ATM: variants seen among roughly 807,000 people sequenced by gnomAD.
ATM encodes the protein serine-protein kinase ATM.
ATM carries 308 observed loss-of-function variants against 387.0 expected under a neutral mutation model. That is an observed-to-expected ratio of 0.80 (90% CI 0.73 to 0.87). The LOEUF is 0.87. Among genes scored for constraint, ATM ranks in the 40% least tolerant of loss-of-function variants. The pLI, the probability that ATM is intolerant of heterozygous loss-of-function variation, is 0.00. For synonymous variants in ATM, 1,156 were observed against 1,187.3 expected (o/e 0.97, Z 0.54); for missense variants, 3,312 against 3,560.9 (o/e 0.93, Z 1.78).
chr11:108,223,967 G>A (rs1311170390), intron 1 of ATM: 1 of 152,254 alleles, frequency 6.6e-6, no homozygotes, highest in African/African-American at 2.4e-5. Flanking sequence ...TGAAGTCATA[G>A]GAATGGATGA....
intron 16 of ATM, among the ~76,000 whole-genome samples, chr11:108,265,256 A>C (rs2081160064): frequency 6.6e-6 from 1 of 151,950 alleles, no homozygotes; most frequent in South Asian, 2.1e-4. Flanking sequence ...CAGTAACCAA[A>C]ACAGCATGGT....
chr11:108,272,927 A>C (rs2081680123), intron 22 of ATM, 75 bp downstream of exon 22: 122 of 1,577,404 alleles, frequency 7.7e-5, no homozygotes, highest in Middle Eastern at 3.3e-4. Context: ...GTAACAGCTC[A>C]CAGTTGCAAT....
chr11:108,253,719 T>C (rs2080283329), intron 12 of ATM, 95 bp from the exon 13 acceptor site: 2 of 800,860 alleles, frequency 2.5e-6, no homozygotes, highest in Non-Finnish European at 4.1e-6. Context: ...ATGTAGATAC[T>C]AGGTTAATGT....
At chr11:108,301,592 A>C in intron 34 of ATM, 56 bp from the exon 35 acceptor site, 3 of 1,608,644 alleles carry the variant, frequency 1.9e-6, no homozygotes, top group Non-Finnish European at 2.6e-6. Context: ...GGAGGTTAAC[A>C]TTCATCAAGA....
In ATM at chr11:108,227,630, T is replaced by G. The variant is rs748158168; in HGVS notation, c.6T>G (p.Ser2Arg). The G allele has an allele frequency of 1.2e-6, 2 of 1,613,628 alleles. No individual in the cohort carries two copies. The highest frequency in any genetic ancestry group is 1.7e-6 in the Non-Finnish European group (2 of 1,179,778). Residue 2 changes from serine (S) to arginine (R), a missense_variant, in exon 2 of 63, where the codon AGT becomes AGG. Ser to Arg is a moderately radical substitution (Grantham distance 110, BLOSUM62 -1). Coordinates refer to ENST00000675843, the MANE Select transcript of ATM (RefSeq NM_000051.4). M[S>R]LVLNDLLICC... ...GTGTTCTGAAATTGTGAACCATGAG[T>G]CTAGTACTTAATGATCTGCTTATCT...
chr11:108,344,727 G>A (rs865848870), intron 57 of ATM, among the ~76,000 whole-genome samples: 1 of 152,046 alleles, frequency 6.6e-6, no homozygotes, highest in Non-Finnish European at 1.5e-5. Context: ...TTGGGGGGCG[G>A]GTGTGGTAGC....
rs140263600 is a variant in ATM at position 108,344,130 on chromosome 11, C to G, written c.8418+759C>G. Among the ~76,000 whole-genome samples, 293 of 152,226 alleles carry G rather than the reference C, an allele frequency of 1.9e-3. 1 individual carries two copies. The highest frequency in any genetic ancestry group is 3.4e-3 in the Non-Finnish European group (233 of 67,994). ...TTTATTGTTCATTTTATTGTGCTTT[C>G]TGTGACATGTTTTTTAAAATGTGTG... On this transcript the variant is annotated intron_variant, in intron 57 of 62. Coordinates refer to ENST00000675843, the MANE Select transcript of ATM (RefSeq NM_000051.4).
intron 26 of ATM, among the ~76,000 whole-genome samples, chr11:108,285,057 T>C (rs2082422306): frequency 6.6e-6 from 1 of 152,162 alleles, no homozygotes; most frequent in East Asian, 1.9e-4. Flanking sequence ...TCTCCTGGGT[T>C]CAAGCAATTC....
rs2091345046 is a variant in ATM, at chr11:108,366,600, G to T, written c.*1092G>T. The T allele has an allele frequency of 4.3e-6, 1 of 230,410 alleles. No homozygotes were observed. Among genetic ancestry groups the T allele is most frequent in the Non-Finnish European group, 8.6e-6 (1 of 116,288 alleles). The allele number at this position is 230,410 out of a possible 1,614,324, so 14.3% of individuals were successfully genotyped here. A position where few individuals can be genotyped will look rare whatever the true frequency, so the allele number is the denominator to read the frequency against. On this transcript the variant is annotated 3_prime_UTR_variant, in exon 63 of 63. Coordinates refer to ENST00000675843, the MANE Select transcript of ATM (RefSeq NM_000051.4). ...ATGGGAATCTTGAGTGTCTGTTTAT[G>T]TCATATTCCCAGGGCTGTTGCTGCA...
At position 108,314,522 on chromosome 11, in the gene ATM, G is replaced by A. The variant is rs150387680; in HGVS notation, c.6007-1301G>A. ...TATTTCTTATCTAATTCATGAAATTGTAGGCAATTCTTCTCGGGTAGACTA... is the reference window on the plus strand; with the variant it reads ...TATTTCTTATCTAATTCATGAAATTATAGGCAATTCTTCTCGGGTAGACTA... On this transcript the variant is annotated intron_variant, in intron 40 of 62. Coordinates refer to ENST00000675843, the MANE Select transcript of ATM (RefSeq NM_000051.4). 6.0e-3 allele frequency among the ~76,000 whole-genome samples: 916 copies of A among 151,636 alleles called. 6 individuals carry two copies. The highest frequency in any genetic ancestry group is 0.011 in the East Asian group (54 of 5,142).
intron 8 of ATM, 50 bp downstream of exon 8, chr11:108,247,177 T>C (rs757949257): frequency 6.2e-7 from 1 of 1,603,610 alleles, no homozygotes; most frequent in Admixed American, 1.7e-5. Context: ...TTAATTTTTT[T>C]TTTAAACTGG....
At chr11:108,277,145 T>G (rs1424558319) in intron 22 of ATM, among the ~76,000 whole-genome samples, 1 of 152,176 alleles carries the variant, frequency 6.6e-6, no homozygotes. Context: ...TCGAACTTCC[T>G]ACTGGCTGTG....
In ATM at chr11:108,277,056, AC is replaced by A. The variant is rs1489189290; in HGVS notation, c.3285-2432del. 5.3e-5 allele frequency among the ~76,000 whole-genome samples: 8 copies of A among 152,154 alleles called. No homozygotes were observed. The East Asian group carries it at 1.5e-3, about 29-fold the overall frequency. ...GGGCTGCTGCCTGTCTTTCAGAGATACCCTGCCCAGAGAGGAGGAATCTAGA... is the reference window on the plus strand; with the variant it reads ...GGGCTGCTGCCTGTCTTTCAGAGATACCTGCCCAGAGAGGAGGAATCTAGA... On this transcript the variant is annotated intron_variant, in intron 22 of 62. Transcript: ENST00000675843.
rs1591151857 is a variant in ATM, at chr11:108,329,188, A to G, written c.7257A>G (p.Arg2419=). Residue 2419 remains arginine, a synonymous_variant, in exon 49 of 63, where the codon AGA becomes AGG. Transcript: ENST00000675843. ...EFENKQALLK[R]AKEEVGLLRE... ...AAAACAAGCAAGCTCTCCTGAAAAG[A>G]GCCAAAGAGGAAGTAGGTCTCCTTA... 1.2e-6 allele frequency: 2 copies of G among 1,614,106 alleles called. No homozygotes were observed. Among genetic ancestry groups the G allele is most frequent in the Non-Finnish European group, 1.7e-6 (2 of 1,179,984 alleles).
chr11:108,284,387 A>G lies in ATM; in HGVS notation c.3907A>G (p.Thr1303Ala), dbSNP rs1060501662. 3.7e-6 allele frequency: 6 copies of G among 1,613,986 alleles called. No individual in the cohort carries two copies. Among genetic ancestry groups the G allele is most frequent in the Non-Finnish European group, 5.1e-6 (6 of 1,179,916 alleles). Residue 1303 changes from threonine (T) to alanine (A), a missense_variant, in exon 26 of 63, where the codon ACC (threonine) becomes GCC (alanine). By Grantham distance (58) the Thr-to-Ala change is moderately conservative. Coordinates refer to ENST00000675843, the MANE Select transcript of ATM (RefSeq NM_000051.4). ...TCTTCCTTATTTTGCCTATGAGGGT[A>G]CCAGAGACAGTGGGATGGCACAGCA... ...NILPYFAYEG[T>A]RDSGMAQQRE...
chr11:108,354,080 C>CACACACAT lies in ATM; in HGVS notation c.8786+207_8786+208insTACACACA, dbSNP rs1555143111. Among the ~76,000 whole-genome samples the CACACACAT allele has an allele frequency of 1.6e-3, 236 of 149,936 alleles. 2 individuals carry two copies. Among genetic ancestry groups the CACACACAT allele is most frequent in the African/African-American group, 5.8e-3 (233 of 40,082 alleles). ...AAATACACACACACAAACACACACA[C>CACACACAT]ACACACACACACACACACACACACA... On this transcript the variant is annotated intron_variant, in intron 60 of 62. Coordinates refer to ENST00000675843, the MANE Select transcript of ATM (RefSeq NM_000051.4).
rs2135241227 is a variant in ATM at position 108,244,922 on chromosome 11, G to A, written c.797G>A (p.Trp266Ter). 1 of 1,613,218 alleles carries A rather than the reference G, an allele frequency of 6.2e-7. No homozygotes were observed. The highest frequency in any genetic ancestry group is 8.5e-7 in the Non-Finnish European group (1 of 1,179,584). ...ATTCTTCCCACTTTGCTTTATATTTGGACTCAACATAGGCTTAATGATTCT... is the reference window on the plus strand; with the variant it reads ...ATTCTTCCCACTTTGCTTTATATTTAGACTCAACATAGGCTTAATGATTCT... ...DEILPTLLYI[W>*]TQHRLNDSLK... is the part of the protein sequence containing the mutation. Residue 266 changes from tryptophan (W) to a stop codon, truncating the protein, a stop_gained, in exon 7 of 63, where the codon TGG becomes TAG. Coordinates refer to ENST00000675843, the MANE Select transcript of ATM (RefSeq NM_000051.4). LOFTEE classifies it high-confidence loss of function.
chr11:108,325,430 G>A lies in ATM; in HGVS notation c.6693G>A (p.Leu2231=), dbSNP rs2136313009. ...TCATGGCTCTACGCACAGTCATTTT[G>A]GAGATCCTGATGGAAAAGGAAATGG... ...EPIMALRTVI[L]EILMEKEMDN... is the part of the protein sequence containing the mutation. The change falls in exon 46 of 63, where the codon TTG becomes TTA. Residue 2231 remains leucine, a synonymous_variant. Coordinates refer to ENST00000675843, the MANE Select transcript of ATM (RefSeq NM_000051.4). The A allele has an allele frequency of 6.2e-7, 1 of 1,613,450 alleles. No individual in the cohort carries two copies. Among genetic ancestry groups the A allele is most frequent in the South Asian group, 1.1e-5 (1 of 91,066 alleles).
At chr11:108,299,082 G>A (rs1010285386) in intron 33 of ATM, among the ~76,000 whole-genome samples, 29 of 152,212 alleles carry the variant, frequency 1.9e-4, no homozygotes, top group African/African-American at 7.0e-4. Context: ...TGAAAGAAGG[G>A]CTCTCAAAAA....
Sources: allele counts gnomAD v4.1 joint callset (sites outside exome capture counted in the v4.1 genomes callset), GRCh38; gene constraint gnomAD v4.1.1; transcripts MANE v1.5; gene names NCBI Gene and HGNC (gene_info 2026-07-23, HGNC 2026-07-21).